Variants in FBLN1 observed in about 807,000 individuals in gnomAD.
The protein encoded by FBLN1 is fibulin-1.
In FBLN1, 34 loss-of-function variants were observed where a neutral mutation model predicts 89.7. The ratio of observed to expected loss-of-function variants is 0.38; its 90% CI spans 0.29 to 0.50. The LOEUF (loss-of-function observed/expected upper bound fraction) is 0.50. Ranked by LOEUF, FBLN1 falls within the 20% of genes least tolerant of loss-of-function variation. The pLI is 0.92. For missense variants in FBLN1, 777 were observed against 988.1 expected, an observed-to-expected ratio of 0.79 and a Z score of 2.86; for synonymous variants, 393 against 391.3, an observed-to-expected ratio of 1.00 and a Z score of -0.05.
In FBLN1 at chr22:45,581,979, G is replaced by C. The variant is rs2089045826; in HGVS notation, c.1972+4871G>C. Among the ~76,000 whole-genome samples the C allele has an allele frequency of 6.6e-6, 1 of 152,188 alleles. No homozygotes were observed. Among genetic ancestry groups the C allele is most frequent in the Non-Finnish European group, 1.5e-5 (1 of 68,036 alleles). On this transcript the variant is annotated intron_variant, in intron 16 of 16. Transcript: ENST00000327858. The surrounding 1 kb of genome is among the most constrained non-coding windows in gnomAD (Gnocchi z 7.6). Reference sequence around the variant, plus strand: ...GGACCACGGGAGCCACGGGAGGTCTGTGCTGCCCATGGAGCTTCCAGATCC... The same window carrying C: ...GGACCACGGGAGCCACGGGAGGTCTCTGCTGCCCATGGAGCTTCCAGATCC...
chr22:45,566,941 G>T (rs991279326), intron 14 of FBLN1, among the ~76,000 whole-genome samples: 4 of 152,350 alleles, frequency 2.6e-5, no homozygotes, highest in Admixed American at 1.3e-4. Flanking sequence ...CCATGAGACA[G>T]GCGCTGTTCC....
In FBLN1 at chr22:45,562,837, C is replaced by T; in HGVS notation, c.1698-11674C>T. 1.4e-6 allele frequency: 2 copies of T among 1,454,700 alleles called. No homozygotes were observed. The highest frequency in any genetic ancestry group is 9.6e-7 in the Non-Finnish European group (1 of 1,045,774). 90.1% of individuals were successfully genotyped at this position (1,454,700 alleles called of 1,614,324 possible). On this transcript the variant is annotated intron_variant, in intron 14 of 16. Coordinates refer to ENST00000327858, the MANE Select transcript of FBLN1 (RefSeq NM_006486.3). This position sits in a 1 kb window ranked among gnomAD's most constrained non-coding sequence, Gnocchi z 7.8. ...GGCCCCGCCTGCCAGCCCCGCATCC[C>T]CGCGCTCTGCCGTTTCTCCGCTTGC...
At position 45,597,779 on chromosome 22, in the gene FBLN1, C is replaced by T. The variant is rs1211873058; in HGVS notation, c.1973-2528C>T. ...CAAGGGTGCTGACAGCCTGCAGAAGCCTGTGCTTATCTCTCCATCGGAGCT... is the reference window on the plus strand; with the variant it reads ...CAAGGGTGCTGACAGCCTGCAGAAGTCTGTGCTTATCTCTCCATCGGAGCT... On this transcript the variant is annotated intron_variant, in intron 16 of 16. Coordinates refer to ENST00000327858, the MANE Select transcript of FBLN1 (RefSeq NM_006486.3). The surrounding 1 kb of genome is among the most constrained non-coding windows in gnomAD (Gnocchi z 4.2). 6.6e-6 allele frequency among the ~76,000 whole-genome samples: 1 copy of T among 152,334 alleles called. No individual in the cohort carries two copies. The highest frequency in any genetic ancestry group is 1.5e-5 in the Non-Finnish European group (1 of 68,026).
chr22:45,570,334 A>G (rs1355453706), intron 14 of FBLN1, among the ~76,000 whole-genome samples: 2 of 96,296 alleles, frequency 2.1e-5, no homozygotes, highest in Admixed American at 1.0e-4. Flanking sequence ...AAAAAAAAAA[A>G]AAAAAGAAAA....
chr22:45,550,863 A>G lies in FBLN1; in HGVS notation c.1697+248A>G. ...TCATGTTTTCAGGCCAAGGCTGTGC[A>G]CAGAACCAGGAGAAACCACAGCCCT... is the stretch of plus-strand genomic sequence containing the variant. On this transcript the variant is annotated intron_variant, in intron 14 of 16. Transcript: ENST00000327858. This position sits in a 1 kb window ranked among gnomAD's most constrained non-coding sequence, Gnocchi z 8.4. The G allele has an allele frequency of 1.7e-6, 1 of 576,752 alleles. No homozygotes were observed. Among genetic ancestry groups the G allele is most frequent in the Non-Finnish European group, 3.1e-6 (1 of 321,832 alleles). The allele number at this position is 576,752 out of a possible 1,614,324, so 35.7% of individuals were successfully genotyped here.
At chr22:45,594,417 G>A (rs946301597) in intron 16 of FBLN1, among the ~76,000 whole-genome samples, 3 of 152,196 alleles carry the variant, frequency 2.0e-5, no homozygotes, top group Admixed American at 6.5e-5. Context: ...TCCCAGAACC[G>A]GCCTGAAACT....
intron 1 of FBLN1, among the ~76,000 whole-genome samples, chr22:45,507,138 A>G (rs2088033003): frequency 6.6e-6 from 1 of 151,870 alleles, no homozygotes; most frequent in South Asian, 2.1e-4. Flanking sequence ...GCCACAAGTC[A>G]CCCAGCGAGG....
intron 1 of FBLN1, among the ~76,000 whole-genome samples, chr22:45,505,072 T>C (rs1216066846): frequency 6.6e-6 from 1 of 152,204 alleles, no homozygotes; most frequent in Non-Finnish European, 1.5e-5. Context: ...CAGAAACTCC[T>C]TTGGCGACGG....
intron 2 of FBLN1, among the ~76,000 whole-genome samples, chr22:45,522,581 G>C (rs1170182075): frequency 6.6e-6 from 1 of 152,186 alleles, no homozygotes; most frequent in Non-Finnish European, 1.5e-5. Flanking sequence ...GCCAAGCAGG[G>C]GTTAAGCAGC....
intron 14 of FBLN1, chr22:45,551,003 A>C (rs2088694384): frequency 2.4e-5 from 8 of 330,266 alleles, no homozygotes; most frequent in South Asian, 2.2e-4. Flanking sequence ...CAATGTCTCC[A>C]TGTCAGCCCA....
rs576147374 is a variant in FBLN1 at position 45,537,690 on chromosome 22, C to T, written c.922+2353C>T. 4.6e-4 allele frequency among the ~76,000 whole-genome samples: 70 copies of T among 152,262 alleles called. No homozygotes were observed. The highest frequency in any genetic ancestry group is 1.5e-3 in the African/African-American group (61 of 41,560). ...TAGGACAGGGGCCTCGTCTGAAACCCGCCCCAGCCTTCCTCTGTTACAGCT... is the reference window on the plus strand; with the variant it reads ...TAGGACAGGGGCCTCGTCTGAAACCTGCCCCAGCCTTCCTCTGTTACAGCT... On this transcript the variant is annotated intron_variant, in intron 8 of 16. Coordinates refer to ENST00000327858, the MANE Select transcript of FBLN1 (RefSeq NM_006486.3). The surrounding 1 kb of genome is among the most constrained non-coding windows in gnomAD (Gnocchi z 5.7).
At position 45,577,619 on chromosome 22, in the gene FBLN1, C is replaced by G. The variant is rs1160533521; in HGVS notation, c.1972+511C>G. On this transcript the variant is annotated intron_variant, in intron 16 of 16. Transcript: ENST00000327858. This position sits in a 1 kb window ranked among gnomAD's most constrained non-coding sequence, Gnocchi z 6.6. ...GCCTTGAGCAGTAGTCGTCCCCTCC[C>G]TACGCATCAGTTGGTAAGAGGACCA... 6.6e-6 allele frequency among the ~76,000 whole-genome samples: 1 copy of G among 152,220 alleles called. No individual in the cohort carries two copies. The highest frequency in any genetic ancestry group is 2.4e-5 in the African/African-American group (1 of 41,454).
intron 4 of FBLN1, among the ~76,000 whole-genome samples, chr22:45,529,946 C>CT (rs2088382003): frequency 6.6e-6 from 1 of 152,164 alleles, no homozygotes; most frequent in South Asian, 2.1e-4. Flanking sequence ...CCTGTAGTCT[C>CT]TAAGTCAAGG....
In FBLN1 at chr22:45,533,909, CGCTCCGAGTCT is replaced by C. The variant is rs756238855; in HGVS notation, c.784+14_784+24del. 4.3e-6 allele frequency: 7 copies of C among 1,613,626 alleles called. No homozygotes were observed. In the South Asian group the frequency reaches 7.7e-5, roughly 18 times the overall value. On this transcript the variant is annotated intron_variant, in intron 7 of 16. Coordinates refer to ENST00000327858, the MANE Select transcript of FBLN1 (RefSeq NM_006486.3). ...ACAATAGCTGCAAAGGTACAGCATG[CGCTCCGAGTCT>C]GCAAACCTGGTCTTCCAGGCGTAGA...
At position 45,550,581 on chromosome 22, in the gene FBLN1, G is replaced by A. The variant is rs774274010; in HGVS notation, c.1663G>A (p.Glu555Lys). The change falls in exon 14 of 17, where the codon GAG becomes AAG. Residue 555 changes from glutamate to lysine, a missense_variant. Glu to Lys is a moderately conservative substitution (Grantham distance 56, BLOSUM62 1). Transcript: ENST00000327858. This position sits in a 1 kb window ranked among gnomAD's most constrained non-coding sequence, Gnocchi z 8.4. ...GGGCGGCTTCCGCTGCCTGGCCTTC[G>A]AGTGCCCTGAGAACTACCGCCGCTC... is the stretch of plus-strand genomic sequence containing the variant. Reference protein sequence around the residue: ...IQGGFRCLAFECPENYRRSAA... With the variant: ...IQGGFRCLAFKCPENYRRSAA... 2.2e-5 allele frequency: 36 copies of A among 1,613,892 alleles called. No individual in the cohort carries two copies. In the East Asian group the frequency reaches 2.9e-4, roughly 13 times the overall value.
intron 14 of FBLN1, chr22:45,558,064 C>T (rs1037036343): frequency 5.6e-6 from 4 of 716,754 alleles, no homozygotes; most frequent in Non-Finnish European, 7.8e-6. Context: ...TTCTCTTCCT[C>T]TGTCAGATGA....
chr22:45,526,017 C>T (rs907873530), intron 3 of FBLN1, among the ~76,000 whole-genome samples: 8 of 152,218 alleles, frequency 5.3e-5, no homozygotes, highest in Non-Finnish European at 8.8e-5. Context: ...ATCTTCTTCT[C>T]AATTCAGGGT....
In FBLN1 at chr22:45,583,039, C is replaced by G. The variant is rs1320279782; in HGVS notation, c.1972+5931C>G. On this transcript the variant is annotated intron_variant, in intron 16 of 16. Transcript: ENST00000327858. This position sits in a 1 kb window ranked among gnomAD's most constrained non-coding sequence, Gnocchi z 4.5. ...ACGTCCACCCACCCTGTGCCCAGAT[C>G]CCCTTCGCAAGCACCATATGCTGTT... 6.6e-6 allele frequency among the ~76,000 whole-genome samples: 1 copy of G among 152,158 alleles called. No homozygotes were observed. Among genetic ancestry groups the G allele is most frequent in the Non-Finnish European group, 1.5e-5 (1 of 68,016 alleles).
chr22:45,530,436 C>T lies in FBLN1; in HGVS notation c.485-829C>T, dbSNP rs1176224070. 6.6e-6 allele frequency among the ~76,000 whole-genome samples: 1 copy of T among 152,158 alleles called. No homozygotes were observed. The highest frequency in any genetic ancestry group is 2.4e-5 in the African/African-American group (1 of 41,434). ...AGGGCTTCCTGTCTTCACAGCCGCA[C>T]CTTCCTCCCACTGCTACCAGTGCCA... On this transcript the variant is annotated intron_variant, in intron 4 of 16. Coordinates refer to ENST00000327858, the MANE Select transcript of FBLN1 (RefSeq NM_006486.3). The surrounding 1 kb of genome is among the most constrained non-coding windows in gnomAD (Gnocchi z 5.4).
Sources: allele counts gnomAD v4.1 joint callset (sites outside exome capture counted in the v4.1 genomes callset), GRCh38; gene constraint gnomAD v4.1.1; non-coding constraint Gnocchi (gnomAD v3.1); transcripts MANE v1.5; gene names NCBI Gene and HGNC (gene_info 2026-07-23, HGNC 2026-07-21).